NETO1: variants seen among roughly 807,000 people sequenced by gnomAD.
NETO1 encodes the protein neuropilin and tolloid like 1.
In NETO1, 26 loss-of-function variants were observed where a neutral mutation model predicts 61.3. The ratio of observed to expected loss-of-function variants is 0.42; its 90% CI spans 0.31 to 0.59. NETO1 has a LOEUF of 0.59. Ranked by LOEUF, NETO1 falls within the 20% of genes least tolerant of loss-of-function variation. The pLI is 0.12. For synonymous variants in NETO1, 225 were observed against 225.8 expected (o/e 1.00, Z 0.03); for missense variants, 531 against 662.8 (o/e 0.80, Z 2.18).
At chr18:72,792,530 T>A (rs1168341211) in intron 6 of NETO1, among the ~76,000 whole-genome samples, 2 of 151,732 alleles carry the variant, frequency 1.3e-5, no homozygotes, top group Non-Finnish European at 2.9e-5. Context: ...AGTATTTCCC[T>A]CATGTTGGAC....
In NETO1 at chr18:72,830,254, C is replaced by T. The variant is rs967217131; in HGVS notation, c.469+28572G>A. On this transcript the variant is annotated intron_variant, in intron 4 of 10. Transcript: ENST00000327305. This position sits in a 1 kb window ranked among gnomAD's most constrained non-coding sequence, Gnocchi z 4.9. ...GGGAACAGCAGTGCTATCTTGGTGC[C>T]GGCTTGCGAGAGTAGGCATGGTGCT... is the stretch of plus-strand genomic sequence containing the variant. 3.9e-5 allele frequency among the ~76,000 whole-genome samples: 6 copies of T among 152,178 alleles called. No homozygotes were observed. Among genetic ancestry groups the T allele is most frequent in the South Asian group, 4.2e-4 (2 of 4,812 alleles).
At chr18:72,800,776 G>C (rs762843973) in intron 4 of NETO1, among the ~76,000 whole-genome samples, 1 of 152,056 alleles carries the variant, frequency 6.6e-6, no homozygotes, top group Non-Finnish European at 1.5e-5. Flanking sequence ...GGGCATAATA[G>C]GTGATCATAC....
At chr18:72,831,185 C>A (rs2073565677) in intron 4 of NETO1, among the ~76,000 whole-genome samples, 1 of 152,162 alleles carries the variant, frequency 6.6e-6, no homozygotes, top group South Asian at 2.1e-4. Flanking sequence ...CTTAGCTGAG[C>A]AATACCATCC....
intron 4 of NETO1, among the ~76,000 whole-genome samples, chr18:72,857,215 A>T (rs2145629873): frequency 6.6e-6 from 1 of 152,294 alleles, no homozygotes; most frequent in Non-Finnish European, 1.5e-5. Flanking sequence ...AACCTGTCCT[A>T]CTTCATGGAA....
chr18:72,857,778 C>T (rs1354040615), intron 4 of NETO1, among the ~76,000 whole-genome samples: 1 of 152,068 alleles, frequency 6.6e-6, no homozygotes, highest in Admixed American at 6.6e-5. Context: ...AACCACAATC[C>T]TTTAGTGATA....
intron 8 of NETO1, 61 bp downstream of exon 8, chr18:72,755,973 A>G (rs2070769467): frequency 1.2e-6 from 1 of 813,296 alleles, no homozygotes; most frequent in Non-Finnish European, 2.1e-6. Flanking sequence ...TGATACATAT[A>G]AACTTCTACC....
chr18:72,804,066 T>C (rs576961110), intron 4 of NETO1, among the ~76,000 whole-genome samples: 1 of 152,152 alleles, frequency 6.6e-6, no homozygotes, highest in South Asian at 2.1e-4. Context: ...TTTAATATAG[T>C]ATGCTATTTA....
chr18:72,823,166 C>T (rs562739341), intron 4 of NETO1, among the ~76,000 whole-genome samples: 2 of 152,004 alleles, frequency 1.3e-5, no homozygotes, highest in African/African-American at 2.4e-5. Context: ...GGCTGTTTTC[C>T]GTATTCCAGA....
intron 4 of NETO1, among the ~76,000 whole-genome samples, chr18:72,812,172 G>A (rs534133697): frequency 1.3e-5 from 2 of 152,200 alleles, no homozygotes; most frequent in African/African-American, 4.8e-5. Flanking sequence ...CTCATTGAAG[G>A]CAGGAGAAAA....
chr18:72,783,932 C>A, intron 6 of NETO1, 26 bp from the exon 7 acceptor site: 2 of 1,520,430 alleles, frequency 1.3e-6, no homozygotes, highest in South Asian at 1.1e-5. Flanking sequence ...AAAATAATTT[C>A]CACATATCAA....
intron 4 of NETO1, among the ~76,000 whole-genome samples, chr18:72,815,306 TAAAC>T (rs2072998326): frequency 6.6e-6 from 1 of 152,046 alleles, no homozygotes; most frequent in Non-Finnish European, 1.5e-5. Flanking sequence ...ATAAAAGTAA[TAAAC>T]AAATTAAAAT....
chr18:72,759,640 C>T (rs2070904335), intron 7 of NETO1, among the ~76,000 whole-genome samples: 1 of 152,196 alleles, frequency 6.6e-6, no homozygotes, highest in Admixed American at 6.5e-5. Context: ...AGGCCACGGT[C>T]TCCAACGCAG....
At chr18:72,756,558 A>G (rs1393762387) in intron 7 of NETO1, among the ~76,000 whole-genome samples, 1 of 152,188 alleles carries the variant, frequency 6.6e-6, no homozygotes, top group African/African-American at 2.4e-5. Context: ...TGAAAAACAT[A>G]TACTTACCAA....
At chr18:72,852,823 TTTTC>T (rs1417826755) in intron 4 of NETO1, among the ~76,000 whole-genome samples, 2 of 120,562 alleles carry the variant, frequency 1.7e-5, no homozygotes, top group African/African-American at 5.5e-5. Flanking sequence ...ACATTGATAA[TTTTC>T]TTTTTCTTTT....
rs112838125 is a variant in NETO1, at chr18:72,846,723, G to A, written c.469+12103C>T. ...ATTATTAGGAGAAAGTCGTGTGCAC[G>A]TGCAAAAAAGCTAGAAATAATTTTC... On this transcript the variant is annotated intron_variant, in intron 4 of 10. Transcript: ENST00000327305. Among the ~76,000 whole-genome samples the A allele has an allele frequency of 2.4e-3, 359 of 152,028 alleles. 4 individuals carry two copies. The highest frequency in any genetic ancestry group is 8.3e-3 in the African/African-American group (346 of 41,478).
At chr18:72,841,733 C>CAAAAAA (rs1341296691) in intron 4 of NETO1, among the ~76,000 whole-genome samples, 935 of 70,794 alleles carry the variant, frequency 0.013, 279 homozygotes, top group African/African-American at 0.028. Flanking sequence ...GACTCTACCT[C>CAAAAAA]AACAAAAAAA....
At chr18:72,848,471 A>G (rs1006845728) in intron 4 of NETO1, among the ~76,000 whole-genome samples, 1 of 152,192 alleles carries the variant, frequency 6.6e-6, no homozygotes, top group African/African-American at 2.4e-5. Context: ...TTGAGCCATA[A>G]AATTCAAGAA....
intron 9 of NETO1, 115 bp downstream of exon 9, chr18:72,749,947 T>A: frequency 1.7e-5 from 14 of 810,064 alleles, no homozygotes; most frequent in Non-Finnish European, 2.5e-5. Flanking sequence ...AAAACTAGGG[T>A]TTAAATCATT....
At chr18:72,860,868 A>G (rs1057080741) in intron 3 of NETO1, among the ~76,000 whole-genome samples, 1 of 152,232 alleles carries the variant, frequency 6.6e-6, no homozygotes, top group Non-Finnish European at 1.5e-5. Context: ...ATCAGTACTA[A>G]GTATAGCGCT....
Sources: gnomAD v4.1 joint callset for allele counts (sites outside exome capture counted in the v4.1 genomes callset) on GRCh38, gnomAD v4.1.1 for gene constraint, Gnocchi (gnomAD v3.1) non-coding constraint, MANE v1.5 for transcripts, NCBI Gene and HGNC (gene_info 2026-07-23, HGNC 2026-07-21) for gene names.